ANKDD1A: variants seen among roughly 807,000 people sequenced by gnomAD.
The protein encoded by ANKDD1A is ankyrin repeat and death domain-containing protein 1A.
ANKDD1A carries 59 observed loss-of-function variants against 63.5 expected under a neutral mutation model. The ratio of observed to expected loss-of-function variants is 0.93; its 90% CI spans 0.75 to 1.15. The LOEUF is 1.15. ANKDD1A is among the 50% of genes most tolerant of loss of function. The pLI, the probability that ANKDD1A is intolerant of heterozygous loss-of-function variation, is 0.00. For missense variants in ANKDD1A, 632 were observed against 656.4 expected, an observed-to-expected ratio of 0.96 and a Z score of 0.41; for synonymous variants, 266 against 263.9, an observed-to-expected ratio of 1.01 and a Z score of -0.08.
intron 6 of ANKDD1A, among the ~76,000 whole-genome samples, chr15:64,929,548 C>T (rs2085072666): frequency 6.6e-6 from 1 of 152,216 alleles, no homozygotes; most frequent in South Asian, 2.1e-4. Flanking sequence ...GTTGCGCCCT[C>T]TGCCCTGCCC....
intron 14 of ANKDD1A, among the ~76,000 whole-genome samples, chr15:64,951,706 A>ATTCTTTTCTTTTTCTTTGTTCTTCCTTTC (rs1188766067): frequency 1.3e-4 from 18 of 135,452 alleles, no homozygotes; most frequent in African/African-American, 2.5e-4. Context: ...CTTCTTCCTT[A>ATTCTTTTCTTTTTCTTTGTTCTTCCTTTC]TTTTCTTTTT....
chr15:64,915,791 C>T lies in ANKDD1A; in HGVS notation c.35-6C>T, dbSNP rs778910700. 28 of 1,613,578 alleles carry T rather than the reference C, an allele frequency of 1.7e-5. No homozygotes were observed. The highest frequency in any genetic ancestry group is 5.3e-5 in the African/African-American group (4 of 74,910). On this transcript the variant is annotated splice_polypyrimidine_tract_variant and splice_region_variant and intron_variant, in intron 1 of 14. Coordinates refer to ENST00000319580, the MANE Select transcript of ANKDD1A (RefSeq NM_182703.6). ...CCTCATCCTGCACCCCATTTTCTCC[C>T]CACAGTGCTTCCTCTGGAGAGGCAG...
chr15:64,917,235 A>T, intron 2 of ANKDD1A, 151 bp from the exon 3 acceptor site: 1 of 965,328 alleles, frequency 1.0e-6, no homozygotes, highest in Non-Finnish European at 1.5e-6. Flanking sequence ...AGCATGTGGC[A>T]GAATGGGGCT....
At chr15:64,924,633 C>T (rs72737301) in intron 4 of ANKDD1A, among the ~76,000 whole-genome samples, 2,680 of 152,324 alleles carry the variant, frequency 0.018, 45 homozygotes, top group South Asian at 0.025. Context: ...TTTTACTAAA[C>T]TATAGACTAT....
chr15:64,934,550 A>AGTGC (rs2085113077), intron 9 of ANKDD1A, among the ~76,000 whole-genome samples: 1 of 127,628 alleles, frequency 7.8e-6, no homozygotes, highest in Admixed American at 9.6e-5. Context: ...CCCAGGCTGG[A>AGTGC]GTGCAGTGTT....
intron 9 of ANKDD1A, among the ~76,000 whole-genome samples, chr15:64,940,587 C>T (rs1368739016): frequency 7.6e-6 from 1 of 132,158 alleles, no homozygotes; most frequent in African/African-American, 2.7e-5. Context: ...CACCCGCCAC[C>T]AAGCCCGGCT....
chr15:64,912,096 G>C, intron 1 of ANKDD1A, 132 bp downstream of exon 1: 1 of 918,510 alleles, frequency 1.1e-6, no homozygotes, highest in Non-Finnish European at 1.4e-6. Context: ...GTGTGGCTCC[G>C]AGCGGAATGG....
rs960360787 is a variant in ANKDD1A at position 64,957,448 on chromosome 15, G to C, written c.*260G>C. The C allele has an allele frequency of 3.0e-5, 4 of 133,836 alleles. No individual in the cohort carries two copies. The highest frequency in any genetic ancestry group is 1.0e-4 in the African/African-American group (4 of 38,448). 8.3% of individuals were successfully genotyped at this position (133,836 alleles called of 1,614,324 possible). ...CTTGAAATTACAAAAATTATTTTCAGTTTTCCAAAATTCTATCTTTAAACC... is the reference window on the plus strand; with the variant it reads ...CTTGAAATTACAAAAATTATTTTCACTTTTCCAAAATTCTATCTTTAAACC... On this transcript the variant is annotated 3_prime_UTR_variant, in exon 15 of 15. Coordinates refer to ENST00000319580, the MANE Select transcript of ANKDD1A (RefSeq NM_182703.6).
At chr15:64,931,878 A>G in intron 8 of ANKDD1A, 1 of 522,470 alleles carries the variant, frequency 1.9e-6, no homozygotes, top group Non-Finnish European at 3.4e-6. Context: ...CCAACACCTC[A>G]ATACCTGTTA....
chr15:64,951,702 CCTTA>C (rs2085283313), intron 14 of ANKDD1A, among the ~76,000 whole-genome samples: 6 of 51,708 alleles, frequency 1.2e-4, no homozygotes, highest in Admixed American at 7.2e-4. Flanking sequence ...TCTTCTTCTT[CCTTA>C]TTTTCTTTTT....
chr15:64,922,696 C>A (rs2085016275), intron 4 of ANKDD1A, among the ~76,000 whole-genome samples: 1 of 152,072 alleles, frequency 6.6e-6, no homozygotes, highest in Non-Finnish European at 1.5e-5. Flanking sequence ...GGCTGGAGTG[C>A]AGTGGCATGA....
chr15:64,915,665 G>A (rs549613104), intron 1 of ANKDD1A, 132 bp from the exon 2 acceptor site: 127 of 693,662 alleles, frequency 1.8e-4, no homozygotes, highest in African/African-American at 1.8e-3. Flanking sequence ...GGGCTGTGCC[G>A]CTCTGCCCCT....
At chr15:64,922,863 A>G (rs2085017448) in intron 4 of ANKDD1A, among the ~76,000 whole-genome samples, 1 of 152,180 alleles carries the variant, frequency 6.6e-6, no homozygotes, top group South Asian at 2.1e-4. Context: ...TGACTTTGTC[A>G]CTAATAGAAA....
intron 14 of ANKDD1A, among the ~76,000 whole-genome samples, chr15:64,951,746 TC>T (rs2085285707): frequency 3.6e-5 from 5 of 140,022 alleles, no homozygotes; most frequent in South Asian, 2.1e-4. Flanking sequence ...TCCTTCTTCC[TC>T]TTCTTCCTTC....
In ANKDD1A at chr15:64,911,925, G is replaced by A; in HGVS notation, c.-6G>A. 8.0e-7 allele frequency: 1 copy of A among 1,249,668 alleles called. No homozygotes were observed. The highest frequency in any genetic ancestry group is 1.0e-6 in the Non-Finnish European group (1 of 992,534). 77.4% of individuals were successfully genotyped at this position (1,249,668 alleles called of 1,614,324 possible). A position where few individuals can be genotyped will look rare whatever the true frequency, so the allele number is the denominator to read the frequency against. ...CCAGCGCGCGCAGGGGCTGCGGAGC[G>A]GCAGGATGCAGGAGGAGCTGGCGTG... On this transcript the variant is annotated 5_prime_UTR_variant, in exon 1 of 15. Coordinates refer to ENST00000319580, the MANE Select transcript of ANKDD1A (RefSeq NM_182703.6).
intron 1 of ANKDD1A, among the ~76,000 whole-genome samples, chr15:64,915,262 G>C (rs146961986): frequency 6.6e-6 from 1 of 152,172 alleles, no homozygotes; most frequent in East Asian, 1.9e-4. Flanking sequence ...ACAAGATCAC[G>C]CCACTGCACT....
At chr15:64,953,028 CCTTCTTCCTTT>C (rs1267470571) in intron 14 of ANKDD1A, among the ~76,000 whole-genome samples, 1 of 111,378 alleles carries the variant, frequency 9.0e-6, no homozygotes, top group African/African-American at 3.3e-5. Flanking sequence ...TTCTTCTCCT[CCTTCTTCCTTT>C]CTTCTTTCCT....
intron 9 of ANKDD1A, among the ~76,000 whole-genome samples, chr15:64,935,915 C>G (rs565087681): frequency 9.2e-5 from 14 of 152,182 alleles, no homozygotes; most frequent in African/African-American, 3.1e-4. Flanking sequence ...CAATAACTAT[C>G]AAGCTGAATT....
In ANKDD1A at chr15:64,949,984, C is replaced by T. The variant is rs1204190019; in HGVS notation, c.1483+12C>T. The T allele has an allele frequency of 1.2e-6, 2 of 1,605,766 alleles. No homozygotes were observed. The highest frequency in any genetic ancestry group is 2.2e-5 in the East Asian group (1 of 44,818). ...GAGGGACCTGGCTGGTAAGAGCGTA[C>T]TCTGCTGGGCTGCTTCTCAGGAGCT... On this transcript the variant is annotated intron_variant, in intron 14 of 14. Transcript: ENST00000319580.
Sources: allele counts gnomAD v4.1 joint callset (sites outside exome capture counted in the v4.1 genomes callset), GRCh38; gene constraint gnomAD v4.1.1; transcripts MANE v1.5; gene names NCBI Gene and HGNC (gene_info 2026-07-23, HGNC 2026-07-21).